ZNF19: variants seen among roughly 807,000 people sequenced by gnomAD.
ZNF19 encodes zinc finger protein 19 (KOX 12).
A neutral mutation model predicts 13.1 loss-of-function variants in ZNF19; 11 were observed. The observed-to-expected ratio is 0.84, with a 90% CI of 0.53 to 1.39. The LOEUF (loss-of-function observed/expected upper bound fraction) is 1.39, where lower values mean the gene tolerates loss of function less well. Among genes scored for constraint, ZNF19 ranks in the 40% most tolerant of loss-of-function variants. The pLI is 0.00. For synonymous variants in ZNF19, 186 were observed against 187.0 expected (o/e 0.99, Z 0.04); for missense variants, 560 against 547.0 (o/e 1.02, Z -0.24).
intron 4 of ZNF19, 116 bp downstream of exon 4, chr16:71,478,763 G>T: frequency 1.4e-6 from 2 of 1,405,900 alleles, no homozygotes; most frequent in Non-Finnish European, 1.9e-6. Context: ...GTCACTCAGT[G>T]GAGGACACAA....
chr16:71,478,089 G>C (rs1200681756), intron 5 of ZNF19, 139 bp downstream of exon 5: 7 of 629,188 alleles, frequency 1.1e-5, no homozygotes, highest in Non-Finnish European at 2.0e-5. Flanking sequence ...TAAGAGTTAA[G>C]ATTGGTGAGA....
intron 1 of ZNF19, chr16:71,487,135 G>C (rs1308971263): frequency 6.6e-6 from 1 of 152,080 alleles, no homozygotes; most frequent in Non-Finnish European, 1.5e-5. Flanking sequence ...ATATGTTTTG[G>C]CTCTGTGTCC....
At chr16:71,488,047 C>A (rs2043691557) in intron 1 of ZNF19, among the ~76,000 whole-genome samples, 1 of 152,066 alleles carries the variant, frequency 6.6e-6, no homozygotes, top group Non-Finnish European at 1.5e-5. Context: ...TTAGCAAGAG[C>A]AAGGCCAGAA....
chr16:71,487,442 TC>T (rs1321891932), intron 1 of ZNF19: 1 of 152,678 alleles, frequency 6.5e-6, no homozygotes, highest in Non-Finnish European at 1.5e-5. Flanking sequence ...AAACCTCTTT[TC>T]TCCATAAATT....
intron 2 of ZNF19, among the ~76,000 whole-genome samples, chr16:71,484,348 C>T (rs575020055): frequency 6.6e-6 from 1 of 152,350 alleles, no homozygotes; most frequent in East Asian, 1.9e-4. Flanking sequence ...CAGAGGCGTC[C>T]CTTCCATCCA....
At chr16:71,488,627 C>T (rs1269876568) in intron 1 of ZNF19, among the ~76,000 whole-genome samples, 3 of 152,026 alleles carry the variant, frequency 2.0e-5, no homozygotes, top group African/African-American at 4.8e-5. Flanking sequence ...GGTGAAACCC[C>T]GTCTCTACTA....
intron 5 of ZNF19, 135 bp downstream of exon 5, chr16:71,478,093 G>T (rs758480474): frequency 4.7e-6 from 3 of 633,530 alleles, no homozygotes; most frequent in Non-Finnish European, 8.5e-6. Context: ...AGTTAAGATT[G>T]GTGAGAAACG....
intron 1 of ZNF19, among the ~76,000 whole-genome samples, chr16:71,485,114 G>C (rs572616876): frequency 1.3e-5 from 2 of 152,242 alleles, no homozygotes; most frequent in African/African-American, 2.4e-5. Flanking sequence ...GCACAAAAAA[G>C]CTGTCCTCCT....
chr16:71,480,647 C>T (rs2043631323), intron 3 of ZNF19, among the ~76,000 whole-genome samples: 1 of 152,198 alleles, frequency 6.6e-6, no homozygotes, highest in South Asian at 2.1e-4. Flanking sequence ...CCAGTCTTGT[C>T]CCACACTGAA....
chr16:71,475,474 T>C lies in ZNF19; in HGVS notation c.1073A>G (p.Asp358Gly). ...GAAGGCTTTTCCACAATCTACACAG[T>C]CAAAGGGTTTCTCCTCACTGTGAAT... ...QRIHSEEKPF[D>G]CVDCGKAFSA... Residue 358 changes from aspartate (D) to glycine (G), a missense_variant, in exon 6 of 6, where the codon GAC (aspartate) becomes GGC (glycine). Asp to Gly is a moderately conservative substitution (Grantham distance 94, BLOSUM62 -1). Coordinates refer to ENST00000288177, the MANE Select transcript of ZNF19 (RefSeq NM_006961.4). 6.2e-7 allele frequency: 1 copy of C among 1,614,192 alleles called. No individual in the cohort carries two copies. The highest frequency in any genetic ancestry group is 8.5e-7 in the Non-Finnish European group (1 of 1,180,018).
chr16:71,482,254 G>T, intron 2 of ZNF19, 111 bp from the exon 3 acceptor site: 2 of 901,404 alleles, frequency 2.2e-6, no homozygotes, highest in Admixed American at 2.1e-5. Flanking sequence ...AATGCTCACT[G>T]GGTTAGTGGT....
chr16:71,485,841 A>G (rs2043674710), intron 1 of ZNF19, among the ~76,000 whole-genome samples: 1 of 152,160 alleles, frequency 6.6e-6, no homozygotes, highest in African/African-American at 2.4e-5. Flanking sequence ...CATCACCACA[A>G]TCAGTTTCAG....
chr16:71,479,757 T>C (rs986805617), intron 3 of ZNF19, among the ~76,000 whole-genome samples: 1 of 151,392 alleles, frequency 6.6e-6, no homozygotes, highest in Non-Finnish European at 1.5e-5. Context: ...GCTTCTTGGG[T>C]TTTTTTTTCT....
Position 71,482,099 on chromosome 16 carries a change from G to C in ZNF19, c.16C>G (p.Leu6Val). Residue 6 changes from leucine to valine, a missense_variant, in exon 3 of 6, where the codon CTG (leucine) becomes GTG (valine). Physicochemically the swap from Leu to Val is conservative, Grantham distance 32 (BLOSUM62 1). Coordinates refer to ENST00000288177, the MANE Select transcript of ZNF19 (RefSeq NM_006961.4). ...CAGCTCACCTGGTATTGAGCTTTCAGAGGCATGGCTGCCATGACCTGGTCT... is the reference window on the plus strand; with the variant it reads ...CAGCTCACCTGGTATTGAGCTTTCACAGGCATGGCTGCCATGACCTGGTCT... MAAMP[L>V]KAQYQEMVTF... 1 of 1,614,160 alleles carries C rather than the reference G, an allele frequency of 6.2e-7. No homozygotes were observed. The highest frequency in any genetic ancestry group is 1.3e-5 in the African/African-American group (1 of 75,044).
chr16:71,488,125 C>T (rs4275857), intron 1 of ZNF19, among the ~76,000 whole-genome samples: 38 of 151,694 alleles, frequency 2.5e-4, no homozygotes, highest in Middle Eastern at 3.2e-3. Flanking sequence ...TTTGGGAGGC[C>T]AAGGTGGATG....
chr16:71,476,560 T>C (rs1021015712), intron 5 of ZNF19, among the ~76,000 whole-genome samples: 1 of 152,348 alleles, frequency 6.6e-6, no homozygotes, highest in East Asian at 1.9e-4. Context: ...ATCTTTTGAA[T>C]TGATGCTACT....
At chr16:71,481,656 G>A (rs2043637700) in intron 3 of ZNF19, among the ~76,000 whole-genome samples, 1 of 152,134 alleles carries the variant, frequency 6.6e-6, no homozygotes, top group Non-Finnish European at 1.5e-5. Flanking sequence ...TCTTTTGGAG[G>A]ACAAATTAGA....
intron 5 of ZNF19, 64 bp downstream of exon 5, chr16:71,478,164 T>A (rs906576969): frequency 2.8e-6 from 3 of 1,085,824 alleles, no homozygotes; most frequent in Non-Finnish European, 4.1e-6. Flanking sequence ...CCAGCATGAT[T>A]CATTTTAAAA....
intron 1 of ZNF19, among the ~76,000 whole-genome samples, chr16:71,488,367 A>G (rs1395496264): frequency 2.6e-5 from 4 of 151,746 alleles, no homozygotes. Context: ...CAAAAAAAAA[A>G]AAAAAAGAAA....
Sources: gnomAD v4.1 joint callset for allele counts (sites outside exome capture counted in the v4.1 genomes callset) on GRCh38, gnomAD v4.1.1 for gene constraint, MANE v1.5 for transcripts, NCBI Gene and HGNC (gene_info 2026-07-23, HGNC 2026-07-21) for gene names.